INSL6: variants seen among roughly 807,000 people sequenced by gnomAD.
INSL6 encodes insulin-like peptide INSL6.
INSL6 carries 16 observed loss-of-function variants against 9.4 expected under a neutral mutation model. The observed-to-expected ratio is 1.70, with a 90% CI of 1.15 to 2.59. INSL6 has a LOEUF of 2.59. INSL6 is among the 30% of genes most tolerant of loss of function. The pLI is 0.00. For synonymous variants in INSL6, 154 were observed against 96.9 expected, an observed-to-expected ratio of 1.59 and a Z score of -3.46; for missense variants, 391 against 257.3, an observed-to-expected ratio of 1.52 and a Z score of -3.56.
chr9:5,129,564 TAGTAAC>T (rs1824210548), intron 3 of INSL6, among the ~76,000 whole-genome samples: 1 of 152,220 alleles, frequency 6.6e-6, no homozygotes, highest in Admixed American at 6.5e-5. Context: ...TTAGAATAAA[TAGTAAC>T]AGTAAGTCAG....
chr9:5,103,680 C>T, the INSL6 span, among the ~76,000 whole-genome samples: 2 of 152,130 alleles, frequency 1.3e-5, no homozygotes, highest in Non-Finnish European at 2.9e-5. Context: ...AAGCACTTCT[C>T]ACCAAACGTA....
the INSL6 span, chr9:5,084,983 C>A: frequency 1.3e-6 from 1 of 799,770 alleles, no homozygotes; most frequent in Admixed American, 1.8e-5. Flanking sequence ...CCAGAAAGAA[C>A]AGAAAGAGTT....
rs192538001 is a variant in INSL6 at position 5,181,917 on chromosome 9, C to T, written c.289+3397G>A. Among the ~76,000 whole-genome samples the T allele has an allele frequency of 1.6e-3, 239 of 152,286 alleles. 1 individual carries two copies. Among genetic ancestry groups the T allele is most frequent in the Non-Finnish European group, 2.9e-3 (194 of 68,008 alleles). Reference sequence around the variant, plus strand: ...CTATTACACTGGTAAAAGTTAATAACTGTATAATGCTAATTGTTGACATAG... The same window carrying T: ...CTATTACACTGGTAAAAGTTAATAATTGTATAATGCTAATTGTTGACATAG... On this transcript the variant is annotated intron_variant, in intron 1 of 1. Transcript: ENST00000381641.
intron 2 of INSL6, among the ~76,000 whole-genome samples, chr9:5,136,123 A>G (rs1412856367): frequency 6.6e-6 from 1 of 151,958 alleles, no homozygotes; most frequent in Non-Finnish European, 1.5e-5. Flanking sequence ...GAAAGTAATG[A>G]ATTAATAGCC....
chr9:5,070,281 A>G, the INSL6 span, among the ~76,000 whole-genome samples: 9 of 152,176 alleles, frequency 5.9e-5, no homozygotes, highest in African/African-American at 2.2e-4. Context: ...GAAATTTAAA[A>G]ATGATTCTTC....
chr9:5,022,757 C>A, the INSL6 span, among the ~76,000 whole-genome samples: 1 of 152,144 alleles, frequency 6.6e-6, no homozygotes, highest in Non-Finnish European at 1.5e-5. Context: ...AGAACTCTTT[C>A]TATAGAGCTA....
chr9:5,058,991 A>C, the INSL6 span, among the ~76,000 whole-genome samples: 81,748 of 151,950 alleles, frequency 0.54, 22,187 homozygotes, highest in African/African-American at 0.57. Flanking sequence ...GCTTTTCACT[A>C]TGTTGCTTGT....
chr9:5,156,377 T>A (rs1474451004), intron 2 of INSL6, among the ~76,000 whole-genome samples: 1 of 152,094 alleles, frequency 6.6e-6, no homozygotes, highest in Non-Finnish European at 1.5e-5. Flanking sequence ...GATAAAGACA[T>A]AAAACTGTAA....
the INSL6 span, chr9:5,081,962 C>T: frequency 1.0e-6 from 1 of 966,414 alleles, no homozygotes; most frequent in Non-Finnish European, 1.6e-6. Context: ...TTAAGGAGTG[C>T]TTGTAGAAAA....
At chr9:5,165,830 T>C (rs973594238) in intron 1 of INSL6, among the ~76,000 whole-genome samples, 25 of 152,330 alleles carry the variant, frequency 1.6e-4, no homozygotes, top group East Asian at 1.3e-3. Flanking sequence ...ATTATGGCCC[T>C]TGCTCATCTA....
the INSL6 span, among the ~76,000 whole-genome samples, chr9:5,075,506 ACTC>A: frequency 6.6e-6 from 1 of 152,080 alleles, no homozygotes; most frequent in Admixed American, 6.5e-5. Flanking sequence ...TGCTAAGTCT[ACTC>A]TGCCTGTGCT....
chr9:5,045,159 G>C, the INSL6 span, among the ~76,000 whole-genome samples: 1 of 152,136 alleles, frequency 6.6e-6, no homozygotes, highest in Admixed American at 6.5e-5. Context: ...TGTGCTGCTA[G>C]ACTAGTAGGA....
chr9:5,081,965 G>T, the INSL6 span: 1 of 954,752 alleles, frequency 1.0e-6, no homozygotes, highest in South Asian at 1.6e-5. Context: ...AGGAGTGCTT[G>T]TAGAAAAAAA....
the INSL6 span, among the ~76,000 whole-genome samples, chr9:5,063,966 G>A: frequency 5.9e-5 from 9 of 152,298 alleles, no homozygotes; most frequent in African/African-American, 2.2e-4. Context: ...GACCAGCCTG[G>A]CCAACATGTT....
At chr9:5,062,500 TAAAA>T in the INSL6 span, among the ~76,000 whole-genome samples, 190 of 58,200 alleles carry the variant, frequency 3.3e-3, no homozygotes, top group African/African-American at 0.019. Flanking sequence ...CTTCCATTTG[TAAAA>T]AAAAAAAAAA....
At chr9:5,130,790 G>T (rs62541860) in intron 3 of INSL6, among the ~76,000 whole-genome samples, 1 of 149,874 alleles carries the variant, frequency 6.7e-6, no homozygotes, top group East Asian at 2.0e-4. Context: ...GTGCAGTGGC[G>T]CGATCTCGGC....
chr9:5,160,359 C>G (rs558742815), downstream of INSL6, among the ~76,000 whole-genome samples: 3 of 151,856 alleles, frequency 2.0e-5, no homozygotes, highest in Non-Finnish European at 4.4e-5. Context: ...CAGTGGTCAA[C>G]GAAGAGATTA....
At chr9:5,002,188 C>T in the INSL6 span, among the ~76,000 whole-genome samples, 1 of 150,798 alleles carries the variant, frequency 6.6e-6, no homozygotes, top group Non-Finnish European at 1.5e-5. Context: ...GTTCTTTATT[C>T]TTTCTTCACT....
At chr9:5,035,890 G>T in the INSL6 span, among the ~76,000 whole-genome samples, 1 of 152,212 alleles carries the variant, frequency 6.6e-6, no homozygotes, top group Non-Finnish European at 1.5e-5. Flanking sequence ...GGGCAGTCAG[G>T]CTGGAGAAGG....
Sources: gnomAD v4.1 joint callset for allele counts (sites outside exome capture counted in the v4.1 genomes callset) on GRCh38, gnomAD v4.1.1 for gene constraint, MANE v1.5 for transcripts, NCBI Gene and HGNC (gene_info 2026-07-23, HGNC 2026-07-21) for gene names.